JMY: variants seen among roughly 807,000 people sequenced by gnomAD.
The protein encoded by JMY is junction mediating and regulatory protein, p53 cofactor, also known as junction-mediating and -regulatory protein.
JMY carries 46 observed loss-of-function variants against 103.3 expected under a neutral mutation model. The ratio of observed to expected loss-of-function variants is 0.45; its 90% CI spans 0.35 to 0.57. JMY has a LOEUF of 0.57. JMY is among the 20% of genes least tolerant of loss of function. The probability of loss-of-function intolerance (pLI) is 0.00; values close to 1 mark genes in which losing one functional copy is unlikely to be tolerated. For synonymous variants in JMY, 526 were observed against 489.3 expected (o/e 1.07, Z -0.99); for missense variants, 1,238 against 1,255.2 (o/e 0.99, Z 0.21).
rs764313905 is a variant in JMY, at chr5:79,314,629, C to T, written c.2437C>T (p.Pro813Ser). 2.6e-6 allele frequency: 4 copies of T among 1,519,844 alleles called. No homozygotes were observed. Among genetic ancestry groups the T allele is most frequent in the Non-Finnish European group, 3.6e-6 (4 of 1,101,498 alleles). 94.1% of individuals were successfully genotyped at this position (1,519,844 alleles called of 1,614,324 possible). The change falls in exon 9 of 11, where the codon CCT (proline) becomes TCT (serine). Residue 813 changes from proline (P) to serine (S), a missense_variant. By Grantham distance (74) the Pro-to-Ser change is moderately conservative (BLOSUM62 -1). Coordinates refer to ENST00000396137, the MANE Select transcript of JMY (RefSeq NM_152405.5). ...LPSPLPPTPPPPPPPPPPPPP... is the reference protein window; with the variant it reads ...LPSPLPPTPPSPPPPPPPPPP... ...ATCCCCTCTTCCTCCAACACCACCA[C>T]CTCCCCCACCTCCTCCCCCTCCCCC...
intron 6 of JMY, among the ~76,000 whole-genome samples, chr5:79,303,179 T>A (rs1262465995): frequency 6.6e-6 from 1 of 152,212 alleles, no homozygotes; most frequent in Admixed American, 6.5e-5. Flanking sequence ...CTGGGTCTTA[T>A]AAGAGTGTAT....
Position 79,300,200 on chromosome 5 carries a change from G to T in JMY, c.1575G>T (p.Gln525His). 6.2e-7 allele frequency: 1 copy of T among 1,612,772 alleles called. No individual in the cohort carries two copies. Among genetic ancestry groups the T allele is most frequent in the African/African-American group, 1.3e-5 (1 of 74,966 alleles). ...GGTEAIARLD[Q>H]LEADYYDLQL... Reference sequence around the variant, plus strand: ...CAGAAGCGATAGCACGATTGGATCAGTTAGAAGCTGATTATTATGATCTGC... The same window carrying T: ...CAGAAGCGATAGCACGATTGGATCATTTAGAAGCTGATTATTATGATCTGC... Residue 525 changes from glutamine (Q) to histidine (H), a missense_variant, in exon 5 of 11, where the codon CAG becomes CAT. Gln to His is a conservative substitution (Grantham distance 24). Coordinates refer to ENST00000396137, the MANE Select transcript of JMY (RefSeq NM_152405.5).
At position 79,258,305 on chromosome 5, in the gene JMY, G is replaced by GTTTTT. The variant is rs199879072; in HGVS notation, c.1033-19604_1033-19600dup. 9.6e-4 allele frequency among the ~76,000 whole-genome samples: 112 copies of GTTTTT among 117,004 alleles called. 11 individuals are homozygous for GTTTTT. The highest frequency in any genetic ancestry group is 2.3e-3 in the African/African-American group (79 of 33,918). The allele number at this position is 117,004 out of a possible 152,430, so 76.8% of individuals were successfully genotyped here. A position where few individuals can be genotyped will look rare whatever the true frequency, so the allele number is the denominator to read the frequency against. Reference sequence around the variant, plus strand: ...AAATTCAGATATTAGGGCTTTTTTTGTTTTTGTTGTTTTTTTTTTTTTTTT... The same window carrying GTTTTT: ...AAATTCAGATATTAGGGCTTTTTTTGTTTTTTTTTTGTTGTTTTTTTTTTTTTTTT... On this transcript the variant is annotated intron_variant, in intron 1 of 10. Transcript: ENST00000396137.
chr5:79,277,589 G>T (rs1474838733), intron 1 of JMY, among the ~76,000 whole-genome samples: 1 of 151,860 alleles, frequency 6.6e-6, no homozygotes, highest in Non-Finnish European at 1.5e-5. Flanking sequence ...AGCAAGCTGA[G>T]ATCGCACCAT....
chr5:79,285,481 G>A (rs139653203), intron 2 of JMY, among the ~76,000 whole-genome samples: 1 of 152,134 alleles, frequency 6.6e-6, no homozygotes, highest in African/African-American at 2.4e-5. Context: ...CTGTGAACTA[G>A]GTAGTGCCAC....
At chr5:79,258,837 T>G (rs1000905373) in intron 1 of JMY, among the ~76,000 whole-genome samples, 7 of 152,186 alleles carry the variant, frequency 4.6e-5, no homozygotes, top group African/African-American at 1.7e-4. Flanking sequence ...TCTGTCCTCT[T>G]GTTGGCTGTA....
At chr5:79,255,624 A>G (rs904754328) in intron 1 of JMY, among the ~76,000 whole-genome samples, 4 of 152,170 alleles carry the variant, frequency 2.6e-5, no homozygotes, top group African/African-American at 9.7e-5. Flanking sequence ...TTGTGATGTA[A>G]GCTGTATCTG....
At chr5:79,303,164 G>T (rs1746787140) in intron 6 of JMY, among the ~76,000 whole-genome samples, 1 of 152,126 alleles carries the variant, frequency 6.6e-6, no homozygotes, top group South Asian at 2.1e-4. Flanking sequence ...GAGACAATTG[G>T]GCACCTGGGT....
intron 1 of JMY, among the ~76,000 whole-genome samples, chr5:79,254,409 A>T (rs913630220): frequency 9.2e-5 from 14 of 152,078 alleles, no homozygotes; most frequent in Admixed American, 3.9e-4. Context: ...GTTTGAAAGG[A>T]TATTTTTGCT....
intron 1 of JMY, among the ~76,000 whole-genome samples, chr5:79,274,956 T>C (rs919044240): frequency 6.6e-6 from 1 of 152,200 alleles, no homozygotes; most frequent in East Asian, 1.9e-4. Context: ...CTGGATTGTT[T>C]AGTACCTGTC....
intron 10 of JMY, among the ~76,000 whole-genome samples, chr5:79,316,898 T>TAAAAA (rs34558016): frequency 7.2e-5 from 6 of 83,638 alleles, no homozygotes; most frequent in Admixed American, 1.5e-4. Context: ...GACTCAGTCT[T>TAAAAA]AAAAAAAAAA....
rs1747647452 is a variant in JMY, at chr5:79,326,387, G to A, written c.*4785G>A. ...GCATGTTCTATGGGTAGCTATCAAAGGGTGTAACAAATTATTCCAGCTTTT... is the reference window on the plus strand; with the variant it reads ...GCATGTTCTATGGGTAGCTATCAAAAGGTGTAACAAATTATTCCAGCTTTT... On this transcript the variant is annotated 3_prime_UTR_variant, in exon 11 of 11. Coordinates refer to ENST00000396137, the MANE Select transcript of JMY (RefSeq NM_152405.5). 1 of 151,840 alleles carries A rather than the reference G, an allele frequency of 6.6e-6. No homozygotes were observed. Among genetic ancestry groups the A allele is most frequent in the Admixed American group, 6.6e-5 (1 of 15,228 alleles). 9.4% of individuals were successfully genotyped at this position (151,840 alleles called of 1,614,324 possible). A position where few individuals can be genotyped will look rare whatever the true frequency, so the allele number is the denominator to read the frequency against.
intron 1 of JMY, among the ~76,000 whole-genome samples, chr5:79,259,684 C>T (rs562990822): frequency 1.3e-5 from 2 of 152,332 alleles, no homozygotes; most frequent in South Asian, 4.1e-4. Flanking sequence ...CAGCACTGCC[C>T]CCGAGCCTGT....
rs1011626029 is a variant in JMY at position 79,236,977 on chromosome 5, C to G, written c.327C>G (p.Ala109=). The stretch of plus-strand genomic sequence containing the variant: ...GCCCCGGGCCCCGGCGGAGCTCGGC[C>G]TGGGCGGAGGGCGGCTCTCCTCGGA... ...VRSPGPRRSS[A]WAEGGSPRST... Residue 109 remains alanine, a synonymous_variant, in exon 1 of 11, where the codon GCC becomes GCG. Transcript: ENST00000396137. The G allele has an allele frequency of 1.4e-6, 2 of 1,458,146 alleles. No individual in the cohort carries two copies. The highest frequency in any genetic ancestry group is 1.8e-6 in the Non-Finnish European group (2 of 1,107,536). 90.3% of individuals were successfully genotyped at this position (1,458,146 alleles called of 1,614,324 possible).
At chr5:79,241,960 G>T (rs1017480275) in intron 1 of JMY, among the ~76,000 whole-genome samples, 1 of 152,068 alleles carries the variant, frequency 6.6e-6, no homozygotes, top group Non-Finnish European at 1.5e-5. Flanking sequence ...CTGCAGCTTA[G>T]GTTTGACCTG....
chr5:79,270,700 TA>T (rs1745757348), intron 1 of JMY, among the ~76,000 whole-genome samples: 1 of 130,142 alleles, frequency 7.7e-6, no homozygotes, highest in African/African-American at 2.5e-5. Flanking sequence ...TATATTTATA[TA>T]TTATATATTT....
chr5:79,273,611 TCTC>T (rs771970444), intron 1 of JMY, among the ~76,000 whole-genome samples: 30 of 152,184 alleles, frequency 2.0e-4, no homozygotes, highest in Non-Finnish European at 4.3e-4. Context: ...CATTTTCTCT[TCTC>T]CTCTGGAACT....
At chr5:79,284,439 G>A (rs536958878) in intron 2 of JMY, 39 of 1,536,508 alleles carry the variant, frequency 2.5e-5, no homozygotes, top group East Asian at 2.2e-4. Flanking sequence ...CGGATTTGGC[G>A]GACCCGTTGG....
At chr5:79,240,928 T>C (rs1480483964) in intron 1 of JMY, among the ~76,000 whole-genome samples, 1 of 152,250 alleles carries the variant, frequency 6.6e-6, no homozygotes, top group East Asian at 1.9e-4. Context: ...TGGCTATAGC[T>C]TTTCAAGCTA....
Sources: gnomAD v4.1 joint callset for allele counts (sites outside exome capture counted in the v4.1 genomes callset) on GRCh38, gnomAD v4.1.1 for gene constraint, MANE v1.5 for transcripts, NCBI Gene and HGNC (gene_info 2026-07-23, HGNC 2026-07-21) for gene names.